The following AP1M1 variants were observed in gnomAD, a reference collection of about 807,000 sequenced individuals.
The protein encoded by AP1M1 is AP-1 complex subunit mu-1.
AP1M1 carries 18 observed loss-of-function variants against 57.1 expected under a neutral mutation model. The observed-to-expected ratio is 0.32, with a 90% CI of 0.22 to 0.47. The LOEUF (loss-of-function observed/expected upper bound fraction) is 0.47. AP1M1 is among the 20% of genes least tolerant of loss of function. The pLI is 1.00. For synonymous variants in AP1M1, 241 were observed against 237.9 expected (o/e 1.01, Z -0.12); for missense variants, 362 against 593.5 (o/e 0.61, Z 4.05).
rs1487987106 is a variant in AP1M1 at position 16,227,184 on chromosome 19, C to T, written c.674-364C>T. On this transcript the variant is annotated intron_variant, in intron 6 of 11. Coordinates refer to ENST00000291439, the MANE Select transcript of AP1M1 (RefSeq NM_032493.4). This position sits in a 1 kb window ranked among gnomAD's most constrained non-coding sequence, Gnocchi z 6.2. ...TGAGGTGGCAAACCAAGGTAGGACC[C>T]AGGACCCCGTGGATGCCAGGGCCTG... Among the ~76,000 whole-genome samples the T allele has an allele frequency of 6.6e-6, 1 of 152,274 alleles. No homozygotes were observed. Among genetic ancestry groups the T allele is most frequent in the South Asian group, 2.1e-4 (1 of 4,834 alleles).
intron 5 of AP1M1, among the ~76,000 whole-genome samples, chr19:16,222,269 G>A (rs1395815622): frequency 2.0e-5 from 3 of 150,270 alleles, no homozygotes; most frequent in African/African-American, 7.4e-5. Flanking sequence ...GAGCCATGGA[G>A]CAAGCATGGC....
At chr19:16,211,430 C>T (rs985385897) in intron 5 of AP1M1, among the ~76,000 whole-genome samples, 9 of 152,118 alleles carry the variant, frequency 5.9e-5, no homozygotes, top group Non-Finnish European at 1.2e-4. Flanking sequence ...TGAGAGAGGG[C>T]ATCTTTGTCT....
rs1383606116 is a variant in AP1M1, at chr19:16,228,405, T to C, written c.888+197T>C. 1.3e-5 allele frequency among the ~76,000 whole-genome samples: 2 copies of C among 152,134 alleles called. No homozygotes were observed. The highest frequency in any genetic ancestry group is 4.8e-5 in the African/African-American group (2 of 41,428). ...ATGGTGCCACTTGTGGGGAGGGGCCTGTAGCCAGGCATCCAGGACACTCCC... is the reference window on the plus strand; with the variant it reads ...ATGGTGCCACTTGTGGGGAGGGGCCCGTAGCCAGGCATCCAGGACACTCCC... On this transcript the variant is annotated intron_variant, in intron 8 of 11. Coordinates refer to ENST00000291439, the MANE Select transcript of AP1M1 (RefSeq NM_032493.4). The surrounding 1 kb of genome is among the most constrained non-coding windows in gnomAD (Gnocchi z 5.0).
intron 5 of AP1M1, among the ~76,000 whole-genome samples, chr19:16,215,434 A>C (rs1388179792): frequency 1.6e-5 from 2 of 127,042 alleles, no homozygotes; most frequent in Non-Finnish European, 3.2e-5. Context: ...ACTGCACTCC[A>C]GCCTGGGCCA....
Position 16,206,612 on chromosome 19 carries a change from GAA to G in AP1M1, c.267+205_267+206del. 3.2e-6 allele frequency: 2 copies of G among 626,886 alleles called. No homozygotes were observed. Among genetic ancestry groups the G allele is most frequent in the Non-Finnish European group, 5.7e-6 (2 of 349,778 alleles). 38.8% of individuals were successfully genotyped at this position (626,886 alleles called of 1,614,324 possible). A position where few individuals can be genotyped will look rare whatever the true frequency, so the allele number is the denominator to read the frequency against. Reference sequence around the variant, plus strand: ...GCTCACGTTGCTCCCCTACCGTGGGGAAGAAAGGAAAGTGAACAGGAAAAGGT... The same window carrying G: ...GCTCACGTTGCTCCCCTACCGTGGGGGAAAGGAAAGTGAACAGGAAAAGGT... On this transcript the variant is annotated intron_variant, in intron 3 of 11. Transcript: ENST00000291439. This position sits in a 1 kb window ranked among gnomAD's most constrained non-coding sequence, Gnocchi z 4.3.
chr19:16,226,603 AT>A, intron 6 of AP1M1, 56 bp downstream of exon 6: 2 of 1,529,258 alleles, frequency 1.3e-6, no homozygotes, highest in Non-Finnish European at 1.8e-6. Context: ...AGGCACACAC[AT>A]TACAGCCTAG....
chr19:16,222,205 A>ATTTTT (rs1213761084), intron 5 of AP1M1, among the ~76,000 whole-genome samples: 3 of 60,374 alleles, frequency 5.0e-5, no homozygotes, highest in African/African-American at 8.2e-5. Context: ...TACTATTATT[A>ATTTTT]TTATTATTTT....
At chr19:16,205,936 G>A (rs1474182597) in intron 2 of AP1M1, among the ~76,000 whole-genome samples, 1 of 152,188 alleles carries the variant, frequency 6.6e-6, no homozygotes, top group East Asian at 1.9e-4. Context: ...AGTCTGGCCG[G>A]GGGACCCTGG....
At chr19:16,219,925 T>C (rs1216477036) in intron 5 of AP1M1, among the ~76,000 whole-genome samples, 2 of 152,196 alleles carry the variant, frequency 1.3e-5, no homozygotes, top group Admixed American at 6.5e-5. Flanking sequence ...GCTTAACCTG[T>C]ATTCTTTTTA....
In AP1M1 at chr19:16,215,463, C is replaced by CAAA. The variant is rs59357311; in HGVS notation, c.546+6313_546+6315dup. Among the ~76,000 whole-genome samples, 72 of 30,990 alleles carry CAAA rather than the reference C, an allele frequency of 2.3e-3. 6 individuals are homozygous for CAAA. The highest frequency in any genetic ancestry group is 4.6e-3 in the African/African-American group (54 of 11,834). The allele number at this position is 30,990 out of a possible 152,430, so 20.3% of individuals were successfully genotyped here. A position where few individuals can be genotyped will look rare whatever the true frequency, so the allele number is the denominator to read the frequency against. ...TGGGCCACAGAATGAGATTCCATCTCAAAAAAAAAAAAAAAAAAAAAAAAA... is the reference window on the plus strand; with the variant it reads ...TGGGCCACAGAATGAGATTCCATCTCAAAAAAAAAAAAAAAAAAAAAAAAAAAA... On this transcript the variant is annotated intron_variant, in intron 5 of 11. Coordinates refer to ENST00000291439, the MANE Select transcript of AP1M1 (RefSeq NM_032493.4).
Position 16,243,950 on chromosome 19 carries a change from A to G in AP1M1, c.*9515A>G, listed in dbSNP as rs934428681. The stretch of plus-strand genomic sequence containing the variant: ...GAAACGAGAGTCTGTCTCCAAATAA[A>G]TAATTAGAGAATATTTTTCAATCTG... On this transcript the variant is annotated 3_prime_UTR_variant, in exon 12 of 12. Transcript: ENST00000291439. 2.0e-5 allele frequency: 3 copies of G among 152,222 alleles called. No homozygotes were observed. The highest frequency in any genetic ancestry group is 2.9e-5 in the Non-Finnish European group (2 of 68,060). 9.4% of individuals were successfully genotyped at this position (152,222 alleles called of 1,614,324 possible). A position where few individuals can be genotyped will look rare whatever the true frequency, so the allele number is the denominator to read the frequency against.
Position 16,236,331 on chromosome 19 carries a change from A to G in AP1M1, c.*1896A>G, listed in dbSNP as rs1448196828. 1 of 152,260 alleles carries G rather than the reference A, an allele frequency of 6.6e-6. No homozygotes were observed. Among genetic ancestry groups the G allele is most frequent in the Non-Finnish European group, 1.5e-5 (1 of 68,096 alleles). The allele number at this position is 152,260 out of a possible 1,614,324, so 9.4% of individuals were successfully genotyped here. A position where few individuals can be genotyped will look rare whatever the true frequency, so the allele number is the denominator to read the frequency against. ...ATAAGACCTGCAAACCCTCCACTACAGACTGTAGAAATGCAGGAAATGAAG... is the reference window on the plus strand; with the variant it reads ...ATAAGACCTGCAAACCCTCCACTACGGACTGTAGAAATGCAGGAAATGAAG... On this transcript the variant is annotated 3_prime_UTR_variant, in exon 12 of 12. Coordinates refer to ENST00000291439, the MANE Select transcript of AP1M1 (RefSeq NM_032493.4).
chr19:16,232,332 G>A (rs2145143169), intron 9 of AP1M1, among the ~76,000 whole-genome samples: 2 of 152,364 alleles, frequency 1.3e-5, no homozygotes, highest in Non-Finnish European at 2.9e-5. Context: ...CTCATCGAGA[G>A]CAGAATTAAA....
intron 6 of AP1M1, 185 bp downstream of exon 6, chr19:16,226,732 A>C: frequency 1.3e-6 from 1 of 768,906 alleles, no homozygotes; most frequent in Non-Finnish European, 1.9e-6. Context: ...TAGAAGGTGC[A>C]GGGGAGTGAA....
intron 1 of AP1M1, among the ~76,000 whole-genome samples, chr19:16,201,327 G>A (rs1328734842): frequency 6.7e-6 from 1 of 150,094 alleles, no homozygotes; most frequent in Non-Finnish European, 1.5e-5. Flanking sequence ...TAGGGATAAA[G>A]CAGGGGTCAG....
In AP1M1 at chr19:16,244,316, A is replaced by C. The variant is rs2091655215; in HGVS notation, c.*9881A>C. ...AATAACGAAAGAGTTTGCCAGCAGC[A>C]GGCTAACACTAAAGAAAATTGTAAA... On this transcript the variant is annotated 3_prime_UTR_variant, in exon 12 of 12. Coordinates refer to ENST00000291439, the MANE Select transcript of AP1M1 (RefSeq NM_032493.4). 1 of 152,260 alleles carries C rather than the reference A, an allele frequency of 6.6e-6. No homozygotes were observed. The highest frequency in any genetic ancestry group is 6.5e-5 in the Admixed American group (1 of 15,272). The allele number at this position is 152,260 out of a possible 1,614,324, so 9.4% of individuals were successfully genotyped here.
At position 16,203,767 on chromosome 19, in the gene AP1M1, C is replaced by T. The variant is rs138937677; in HGVS notation, c.199+152C>T. 2.6e-6 allele frequency: 2 copies of T among 779,878 alleles called. No homozygotes were observed. The highest frequency in any genetic ancestry group is 2.8e-5 in the East Asian group (1 of 36,200). 48.3% of individuals were successfully genotyped at this position (779,878 alleles called of 1,614,324 possible). ...TGGAGCTCCCTGCTGCCTGCGGAGA[C>T]AGGCAGACAATGCACGATGACATGT... On this transcript the variant is annotated intron_variant, in intron 2 of 11. Transcript: ENST00000291439. This position sits in a 1 kb window ranked among gnomAD's most constrained non-coding sequence, Gnocchi z 4.6.
Position 16,198,106 on chromosome 19 carries a change from C to A in AP1M1, c.42+38C>A, listed in dbSNP as rs143761452. 7.8e-4 allele frequency: 1,238 copies of A among 1,590,740 alleles called. 2 individuals are homozygous for A. Among genetic ancestry groups the A allele is most frequent in the Admixed American group, 2.1e-3 (124 of 57,758 alleles). On this transcript the variant is annotated intron_variant, in intron 1 of 11. Coordinates refer to ENST00000291439, the MANE Select transcript of AP1M1 (RefSeq NM_032493.4). ...CCCCACCCTCCCTGTTGCCAGGCAA[C>A]CGGCAGGGGCCTCCGCCCGCGGGGA...
intron 5 of AP1M1, among the ~76,000 whole-genome samples, chr19:16,216,682 T>C (rs576138352): frequency 1.3e-5 from 2 of 152,330 alleles, no homozygotes; most frequent in East Asian, 1.9e-4. Flanking sequence ...GGCTTCATTA[T>C]TGGAAGATTT....
Sources: gnomAD v4.1 joint callset for allele counts (sites outside exome capture counted in the v4.1 genomes callset) on GRCh38, gnomAD v4.1.1 for gene constraint, Gnocchi (gnomAD v3.1) non-coding constraint, MANE v1.5 for transcripts, NCBI Gene and HGNC (gene_info 2026-07-23, HGNC 2026-07-21) for gene names.